Variants in INSYN2A observed in about 807,000 individuals in gnomAD.
INSYN2A encodes inhibitory synaptic factor 2A.
A neutral mutation model predicts 39.4 loss-of-function variants in INSYN2A; 17 were observed. The ratio of observed to expected loss-of-function variants is 0.43; its 90% CI spans 0.30 to 0.65. The LOEUF is 0.65. INSYN2A is among the 30% of genes least tolerant of loss of function. INSYN2A has a pLI of 0.14. For missense variants in INSYN2A, 595 were observed against 631.2 expected (o/e 0.94, Z 0.61); for synonymous variants, 255 against 265.7 (o/e 0.96, Z 0.39).
In INSYN2A at chr10:127,176,384, C is replaced by G; in HGVS notation, c.12G>C (p.Lys4Asn). 6.2e-7 allele frequency: 1 copy of G among 1,605,866 alleles called. No homozygotes were observed. The highest frequency in any genetic ancestry group is 1.1e-5 in the South Asian group (1 of 90,230). Residue 4 changes from lysine to asparagine, a missense_variant, in exon 4 of 6, where the codon AAG (lysine) becomes AAC (asparagine). Physicochemically the swap from Lys to Asn is moderately conservative, Grantham distance 94. Coordinates refer to ENST00000522781, the MANE Select transcript of INSYN2A (RefSeq NM_001039762.3). This position sits in a 1 kb window ranked among gnomAD's most constrained non-coding sequence, Gnocchi z 4.4. ...TTGTGAGTATGCATTTGCCGGTGTC[C>G]TTACTGACCATGGTTCCTGCATTCA... MVS[K>N]DTGKCILTTS... is the part of the protein sequence containing the mutation.
chr10:127,148,284 C>T (rs1257280206), intron 5 of INSYN2A, among the ~76,000 whole-genome samples: 1 of 152,156 alleles, frequency 6.6e-6, no homozygotes, highest in African/African-American at 2.4e-5. Flanking sequence ...AGAAATGAAG[C>T]AGACACAGCG....
rs574094202 is a variant in INSYN2A at position 127,188,662 on chromosome 10, T to G, written c.-269+3943A>C. ...GGCTTTGAGACCACCTGCTTGGATT[T>G]GAGTTCTGGCCCTTCCCCTCCACTT... On this transcript the variant is annotated intron_variant, in intron 2 of 5. Transcript: ENST00000522781. Among the ~76,000 whole-genome samples, 6 of 152,330 alleles carry G rather than the reference T, an allele frequency of 3.9e-5. No homozygotes were observed. The East Asian group carries it at 9.7e-4, about 25-fold the overall frequency.
Position 127,167,773 on chromosome 10 carries a change from C to T in INSYN2A, c.1184+7439G>A, listed in dbSNP as rs191922598. Among the ~76,000 whole-genome samples, 131 of 152,166 alleles carry T rather than the reference C, an allele frequency of 8.6e-4. 1 individual carries two copies. In the East Asian group the frequency reaches 0.019, roughly 22 times the overall value. On this transcript the variant is annotated intron_variant, in intron 4 of 5. Transcript: ENST00000522781. ...TCCTGTCCTTTTCTCTGGAAACCAC[C>T]AAGACAAAGCTTCATGTCTCCATTT... is the stretch of plus-strand genomic sequence containing the variant.
At chr10:127,164,894 G>C (rs565310790) in intron 4 of INSYN2A, among the ~76,000 whole-genome samples, 2 of 152,334 alleles carry the variant, frequency 1.3e-5, no homozygotes, top group East Asian at 3.9e-4. Context: ...ATTTGGCCCA[G>C]AAGGCACCAG....
intron 5 of INSYN2A, 131 bp downstream of exon 5, chr10:127,153,721 G>T: frequency 1.5e-6 from 1 of 688,970 alleles, no homozygotes; most frequent in South Asian, 1.8e-5. Context: ...TAGAATTACA[G>T]TCAAGTAAGG....
At chr10:127,171,047 T>A (rs550612409) in intron 4 of INSYN2A, among the ~76,000 whole-genome samples, 111 of 152,326 alleles carry the variant, frequency 7.3e-4, no homozygotes, top group Admixed American at 1.4e-3. Context: ...GCCAACTGTG[T>A]GCTGGTTATA....
At chr10:127,158,386 T>C (rs2053281698) in intron 4 of INSYN2A, among the ~76,000 whole-genome samples, 1 of 152,218 alleles carries the variant, frequency 6.6e-6, no homozygotes, top group South Asian at 2.1e-4. Context: ...AGGTTATTGA[T>C]GTAAAACCTG....
At chr10:127,147,471 T>A (rs1182118856) in intron 5 of INSYN2A, among the ~76,000 whole-genome samples, 1 of 152,134 alleles carries the variant, frequency 6.6e-6, no homozygotes, top group Non-Finnish European at 1.5e-5. Context: ...CTCGCCTGCC[T>A]TTTACGTCCT....
chr10:127,163,379 C>T (rs536525052), intron 4 of INSYN2A, among the ~76,000 whole-genome samples: 2 of 152,186 alleles, frequency 1.3e-5, no homozygotes, highest in South Asian at 2.1e-4. Flanking sequence ...GTAGCTATTT[C>T]GCTTTCCCTG....
At chr10:127,167,126 G>T (rs2054152612) in intron 4 of INSYN2A, among the ~76,000 whole-genome samples, 1 of 152,084 alleles carries the variant, frequency 6.6e-6, no homozygotes. Context: ...CTTAAAAGTA[G>T]TGTTTACAAA....
At chr10:127,144,300 C>T (rs2051576180) in intron 5 of INSYN2A, among the ~76,000 whole-genome samples, 1 of 152,154 alleles carries the variant, frequency 6.6e-6, no homozygotes, top group African/African-American at 2.4e-5. Context: ...AAAGTCCACC[C>T]TCCCCCCTGC....
chr10:127,144,715 C>T (rs1385140314), intron 5 of INSYN2A, among the ~76,000 whole-genome samples: 3 of 152,096 alleles, frequency 2.0e-5, no homozygotes, highest in Non-Finnish European at 2.9e-5. Context: ...TTTAAAATAT[C>T]AGTGGTTTGT....
intron 1 of INSYN2A, among the ~76,000 whole-genome samples, chr10:127,195,606 C>G (rs531265768): frequency 6.6e-6 from 1 of 152,122 alleles, no homozygotes; most frequent in Admixed American, 6.5e-5. Context: ...CGAAACCTTC[C>G]GGGGAGACGG....
intron 2 of INSYN2A, among the ~76,000 whole-genome samples, chr10:127,192,190 G>A (rs563402801): frequency 6.6e-6 from 1 of 152,226 alleles, no homozygotes; most frequent in East Asian, 1.9e-4. Context: ...AGGATAGTGT[G>A]GTAAAGAGAA....
chr10:127,137,896 T>C lies in INSYN2A; in HGVS notation c.1381A>G (p.Lys461Glu), dbSNP rs2050836309. 3 of 1,614,146 alleles carry C rather than the reference T, an allele frequency of 1.9e-6. No homozygotes were observed. The highest frequency in any genetic ancestry group is 1.7e-6 in the Non-Finnish European group (2 of 1,180,010). The change falls in exon 6 of 6, where the codon AAG (lysine) becomes GAG (glutamate). Residue 461 changes from lysine to glutamate, a missense_variant. Lys to Glu is a moderately conservative substitution (Grantham distance 56). This residue lies in a region of INSYN2A where 117 missense variants were observed against 163.8 expected (regional missense o/e 0.71). Coordinates refer to ENST00000522781, the MANE Select transcript of INSYN2A (RefSeq NM_001039762.3). The stretch of plus-strand genomic sequence containing the variant: ...TTAGATTCAGTTTTGGATTTTTGCT[T>C]GGGAGTTGAGGAGTAAGTCTCCTGA... ...YSQETYSSTPKQKSKTESKKH... is the reference protein window; with the variant it reads ...YSQETYSSTPEQKSKTESKKH...
At chr10:127,162,051 C>T (rs1260619800) in intron 4 of INSYN2A, among the ~76,000 whole-genome samples, 1 of 152,126 alleles carries the variant, frequency 6.6e-6, no homozygotes, top group East Asian at 1.9e-4. Context: ...AATATAACCA[C>T]CACTCATGGG....
chr10:127,152,950 C>A (rs528905951), intron 5 of INSYN2A, among the ~76,000 whole-genome samples: 63 of 152,230 alleles, frequency 4.1e-4, no homozygotes, highest in Admixed American at 1.4e-3. Context: ...GGGAGAGAAC[C>A]CTGATGGGTT....
chr10:127,170,301 T>C (rs1312830888), intron 4 of INSYN2A, among the ~76,000 whole-genome samples: 1 of 152,154 alleles, frequency 6.6e-6, no homozygotes, highest in East Asian at 1.9e-4. Flanking sequence ...CACTACCTGC[T>C]GGTCATGTTT....
At chr10:127,157,035 C>T (rs990278121) in intron 4 of INSYN2A, among the ~76,000 whole-genome samples, 8 of 152,326 alleles carry the variant, frequency 5.3e-5, no homozygotes, top group African/African-American at 1.9e-4. Context: ...AAGATGGAGT[C>T]CTTGTCCTCA....
Sources: allele counts gnomAD v4.1 joint callset (sites outside exome capture counted in the v4.1 genomes callset), GRCh38; gene constraint gnomAD v4.1.1; regional missense constraint gnomAD v4.1.1; non-coding constraint Gnocchi (gnomAD v3.1); transcripts MANE v1.5; gene names NCBI Gene and HGNC (gene_info 2026-07-23, HGNC 2026-07-21).